The following MCC variants were observed in gnomAD, a reference collection of about 807,000 sequenced individuals.
The protein encoded by MCC is colorectal mutant cancer protein.
In MCC, 90 loss-of-function variants were observed where a neutral mutation model predicts 116.2. That is an observed-to-expected ratio of 0.77 (90% CI 0.65 to 0.92). The LOEUF is 0.92. MCC is among the 40% of genes least tolerant of loss of function. MCC has a pLI of 0.00. For missense variants in MCC, 1,516 were observed against 1,312.2 expected (o/e 1.16, Z -2.40); for synonymous variants, 578 against 510.5 (o/e 1.13, Z -1.78).
Position 113,053,950 on chromosome 5 carries a change from G to C in MCC, c.2223C>G (p.Ser741Arg), listed in dbSNP as rs746812353. 6.2e-7 allele frequency: 1 copy of C among 1,609,180 alleles called. No individual in the cohort carries two copies. Among genetic ancestry groups the C allele is most frequent in the Non-Finnish European group, 8.5e-7 (1 of 1,176,106 alleles). ...LSSNSHTSTT[S>R]STASSCDTEF... ...CGGTGTCGCAACTACTGGCTGTGGA[G>C]CTGGTTGTGCTGAGAAAGAAGAAAA... The change falls in exon 15 of 19, where the codon AGC becomes AGG. Residue 741 changes from serine to arginine, a missense_variant. By Grantham distance (110) the Ser-to-Arg change is moderately radical. Coordinates refer to ENST00000408903, the MANE Select transcript of MCC (RefSeq NM_001085377.2).
At chr5:113,109,627 C>T (rs1756964031) in intron 6 of MCC, among the ~76,000 whole-genome samples, 1 of 151,996 alleles carries the variant, frequency 6.6e-6, no homozygotes, top group Non-Finnish European at 1.5e-5. Flanking sequence ...AAATGATTAC[C>T]ATGGTAAATT....
At position 113,049,218 on chromosome 5, in the gene MCC, C is replaced by T. The variant is rs1268803189; in HGVS notation, c.2530G>A (p.Glu844Lys). 2 of 1,614,056 alleles carry T rather than the reference C, an allele frequency of 1.2e-6. No individual in the cohort carries two copies. Among genetic ancestry groups the T allele is most frequent in the African/African-American group, 2.7e-5 (2 of 75,060 alleles). The change falls in exon 16 of 19, where the codon GAG (glutamate) becomes AAG (lysine). Residue 844 changes from glutamate (E) to lysine (K), a missense_variant. Transcript: ENST00000408903. The part of the protein sequence containing the change: ...KALELKLSTR[E>K]AQEQAYLVHI... ...ACCAGGTAGGCCTGCTCCTGGGCCT[C>T]CCGCGTGCTCAGCTTCAGCTCCAGG...
intron 2 of MCC, among the ~76,000 whole-genome samples, chr5:113,351,432 C>T (rs1015081870): frequency 3.3e-5 from 5 of 151,928 alleles, no homozygotes; most frequent in Admixed American, 6.6e-5. Flanking sequence ...ATGAAATAAG[C>T]CAGGCACAGA....
chr5:113,074,801 A>C (rs1198433216), intron 11 of MCC, among the ~76,000 whole-genome samples: 1 of 152,270 alleles, frequency 6.6e-6, no homozygotes, highest in Non-Finnish European at 1.5e-5. Flanking sequence ...ATTGAAGATC[A>C]TATGAATGAA....
intron 1 of MCC, among the ~76,000 whole-genome samples, chr5:113,412,494 G>A (rs760426970): frequency 4.6e-5 from 7 of 152,176 alleles, no homozygotes; most frequent in Non-Finnish European, 8.8e-5. Context: ...CACATCCCTT[G>A]TAAGTTGGAT....
intron 3 of MCC, among the ~76,000 whole-genome samples, chr5:113,230,684 C>T (rs1346191625): frequency 6.6e-6 from 1 of 152,118 alleles, no homozygotes; most frequent in Admixed American, 6.5e-5. Flanking sequence ...TTGGAGGATA[C>T]AAGTTAATGT....
intron 11 of MCC, among the ~76,000 whole-genome samples, chr5:113,080,350 A>G (rs1441191131): frequency 6.6e-6 from 1 of 152,226 alleles, no homozygotes; most frequent in Non-Finnish European, 1.5e-5. Context: ...AGACACATGC[A>G]CATGTATGTT....
At chr5:113,289,364 AAGTC>A (rs1432661763) in intron 3 of MCC, among the ~76,000 whole-genome samples, 9 of 151,756 alleles carry the variant, frequency 5.9e-5, no homozygotes, top group Admixed American at 5.3e-4. Flanking sequence ...AAAAAGAAAG[AAGTC>A]AGAGTTTTGG....
chr5:113,105,896 G>C (rs969962232), intron 6 of MCC, among the ~76,000 whole-genome samples: 3 of 152,202 alleles, frequency 2.0e-5, no homozygotes, highest in African/African-American at 7.2e-5. Flanking sequence ...AACTCTGCAT[G>C]ATCAAGACTG....
rs1424002874 is a variant in MCC, at chr5:113,203,939, T to A, written c.628-52517A>T. 3.3e-5 allele frequency among the ~76,000 whole-genome samples: 5 copies of A among 152,172 alleles called. No individual in the cohort carries two copies. The East Asian group carries it at 9.6e-4, about 29-fold the overall frequency. ...CCTTAACTTTGCCCATTCAGATTCT[T>A]AAGAGCAAACCAAATTTGAGGAGAG... On this transcript the variant is annotated intron_variant, in intron 3 of 18. Transcript: ENST00000408903.
intron 1 of MCC, among the ~76,000 whole-genome samples, chr5:113,415,692 C>T (rs1488763074): frequency 6.6e-6 from 1 of 152,158 alleles, no homozygotes; most frequent in Non-Finnish European, 1.5e-5. Flanking sequence ...AGGCTTTTAG[C>T]TTCCTTGTGA....
intron 2 of MCC, among the ~76,000 whole-genome samples, chr5:113,359,315 T>C (rs1383108367): frequency 6.6e-5 from 10 of 152,248 alleles, no homozygotes; most frequent in Non-Finnish European, 1.5e-4. Context: ...GAAATTTTTC[T>C]TACCGAAGCA....
At chr5:113,109,796 T>A (rs969242830) in intron 6 of MCC, among the ~76,000 whole-genome samples, 2 of 152,052 alleles carry the variant, frequency 1.3e-5, no homozygotes, top group Admixed American at 6.5e-5. Flanking sequence ...TAAAAAAAAT[T>A]TTCCCCTGTG....
rs1750326316 is a variant in MCC at position 113,023,734 on chromosome 5, G to A, written c.*3568C>T. 2 of 152,194 alleles carry A rather than the reference G, an allele frequency of 1.3e-5. No individual in the cohort carries two copies. Among genetic ancestry groups the A allele is most frequent in the South Asian group, 4.1e-4 (2 of 4,828 alleles). The allele number at this position is 152,194 out of a possible 1,614,324, so 9.4% of individuals were successfully genotyped here. ...TGGAGGAAAGGACACTTTCAGAGATGTTTATTTTTTAATAGTCATCTTGAT... is the reference window on the plus strand; with the variant it reads ...TGGAGGAAAGGACACTTTCAGAGATATTTATTTTTTAATAGTCATCTTGAT... On this transcript the variant is annotated 3_prime_UTR_variant, in exon 19 of 19. Coordinates refer to ENST00000408903, the MANE Select transcript of MCC (RefSeq NM_001085377.2).
rs144576358 is a variant in MCC at position 113,294,251 on chromosome 5, G to C, written c.627+46268C>G. The C allele has an allele frequency of 4.7e-4, 752 of 1,589,536 alleles. 1 individual carries two copies. The African/African-American group carries it at 9.2e-3, about 19-fold the overall frequency. ...CAGGGGGATAGGGTGTAGGGCTGTG[G>C]GGAGGTCGAGGGGAGGGGGATTTGT... On this transcript the variant is annotated intron_variant, in intron 3 of 18. Transcript: ENST00000408903.
At chr5:113,393,892 A>G (rs1769461389) in intron 1 of MCC, among the ~76,000 whole-genome samples, 1 of 152,202 alleles carries the variant, frequency 6.6e-6, no homozygotes, top group African/African-American at 2.4e-5. Context: ...CCTTAAATAC[A>G]TGCTATCTTA....
At chr5:113,330,115 G>T (rs186055269) in intron 3 of MCC, among the ~76,000 whole-genome samples, 91 of 152,246 alleles carry the variant, frequency 6.0e-4, no homozygotes, top group Non-Finnish European at 5.1e-4. Flanking sequence ...TCAATCACAG[G>T]CAGCCAGCTG....
At chr5:113,462,487 T>C (rs1323511898) in intron 1 of MCC, among the ~76,000 whole-genome samples, 4 of 152,090 alleles carry the variant, frequency 2.6e-5, no homozygotes, top group Non-Finnish European at 4.4e-5. Context: ...ATTAACAGTA[T>C]TGTATAGCTA....
chr5:113,158,494 C>G (rs1373214), intron 3 of MCC, among the ~76,000 whole-genome samples: 141,813 of 152,152 alleles, frequency 0.93, 66,559 homozygotes, highest in Non-Finnish European at 0.99. Context: ...CCAAAATCTG[C>G]GAATATTCTT....
Sources: gnomAD v4.1 joint callset for allele counts (sites outside exome capture counted in the v4.1 genomes callset) on GRCh38, gnomAD v4.1.1 for gene constraint, MANE v1.5 for transcripts, NCBI Gene and HGNC (gene_info 2026-07-23, HGNC 2026-07-21) for gene names.